The following GRIA1 variants were observed in gnomAD, a reference collection of about 807,000 sequenced individuals.
GRIA1 encodes the protein glutamate ionotropic receptor AMPA type subunit 1, also known as glutamate receptor 1.
GRIA1 carries 31 observed loss-of-function variants against 99.2 expected under a neutral mutation model. That is an observed-to-expected ratio of 0.31 (90% CI 0.23 to 0.42). The LOEUF (loss-of-function observed/expected upper bound fraction) is 0.42, where lower values mean the gene tolerates loss of function less well. Among genes scored for constraint, GRIA1 ranks in the 10% least tolerant of loss-of-function variants. The probability of loss-of-function intolerance (pLI) is 1.00; values close to 1 mark genes in which losing one functional copy is unlikely to be tolerated. For missense variants in GRIA1, 782 were observed against 1,157.5 expected (o/e 0.68, Z 4.71); for synonymous variants, 438 against 432.4 (o/e 1.01, Z -0.16).
chr5:153,677,216 A>G lies in GRIA1; in HGVS notation c.1029+55A>G, dbSNP rs998626508. The G allele has an allele frequency of 9.2e-6, 12 of 1,309,826 alleles. No homozygotes were observed. The African/African-American group carries it at 1.1e-4, about 12-fold the overall frequency. The allele number at this position is 1,309,826 out of a possible 1,614,324, so 81.1% of individuals were successfully genotyped here. A position where few individuals can be genotyped will look rare whatever the true frequency, so the allele number is the denominator to read the frequency against. ...TAGGAGCCTACTGGGGGATTTCAGC[A>G]TCAAATTCCAATAAAACACAGCTAT... is the stretch of plus-strand genomic sequence containing the variant. On this transcript the variant is annotated intron_variant, in intron 7 of 15. Coordinates refer to ENST00000285900, the MANE Select transcript of GRIA1 (RefSeq NM_000827.4).
chr5:153,800,160 A>C (rs921844861), intron 14 of GRIA1, among the ~76,000 whole-genome samples: 2 of 152,056 alleles, frequency 1.3e-5, no homozygotes, highest in African/African-American at 2.4e-5. Context: ...CTTTTTTACC[A>C]CCTGCCCTCA....
chr5:153,659,028 C>A (rs1182263514), intron 5 of GRIA1, among the ~76,000 whole-genome samples: 1 of 151,936 alleles, frequency 6.6e-6, no homozygotes, highest in African/African-American at 2.4e-5. Context: ...TGTCCAGATG[C>A]CCCTTTTAGC....
intron 2 of GRIA1, among the ~76,000 whole-genome samples, chr5:153,524,936 T>C (rs552371375): frequency 2.1e-4 from 32 of 152,344 alleles, no homozygotes; most frequent in African/African-American, 7.5e-4. Flanking sequence ...GTGGAAATAT[T>C]TGCTATATTT....
chr5:153,733,448 A>C (rs2149562238), intron 11 of GRIA1, among the ~76,000 whole-genome samples: 1 of 152,284 alleles, frequency 6.6e-6, no homozygotes, highest in East Asian at 1.9e-4. Flanking sequence ...AGAAGAAGAA[A>C]GAAAGGGACT....
intron 2 of GRIA1, among the ~76,000 whole-genome samples, chr5:153,607,211 A>G (rs919384057): frequency 6.6e-6 from 1 of 151,712 alleles, no homozygotes; most frequent in Non-Finnish European, 1.5e-5. Flanking sequence ...GGGTAGATTT[A>G]TAATCTCACC....
At chr5:153,801,674 T>C (rs896968211) in intron 14 of GRIA1, among the ~76,000 whole-genome samples, 1 of 152,180 alleles carries the variant, frequency 6.6e-6, no homozygotes, top group African/African-American at 2.4e-5. Context: ...CAATTAAGCA[T>C]AATTATTAAG....
chr5:153,585,843 C>T (rs1266595297), intron 2 of GRIA1, among the ~76,000 whole-genome samples: 4 of 152,056 alleles, frequency 2.6e-5, no homozygotes, highest in African/African-American at 7.2e-5. Flanking sequence ...TAGTGACTAT[C>T]GCTATCATAA....
chr5:153,707,591 C>T (rs1206137246), intron 11 of GRIA1, among the ~76,000 whole-genome samples: 1 of 152,168 alleles, frequency 6.6e-6, no homozygotes, highest in Non-Finnish European at 1.5e-5. Flanking sequence ...ATGGACAGAT[C>T]TGGAGGCATA....
At chr5:153,671,316 G>A (rs1187042679) in intron 5 of GRIA1, among the ~76,000 whole-genome samples, 1 of 152,200 alleles carries the variant, frequency 6.6e-6, no homozygotes, top group East Asian at 1.9e-4. Flanking sequence ...GACAGAATTT[G>A]ACTGCAGGAG....
rs73279153 is a variant in GRIA1 at position 153,751,224 on chromosome 5, A to C, written c.1824-13210A>C. ...GAACCCTGAGCCCATTCTCTTGACA[A>C]ACAATGACAGTGCCCTCTGCTTTCT... On this transcript the variant is annotated intron_variant, in intron 11 of 15. Coordinates refer to ENST00000285900, the MANE Select transcript of GRIA1 (RefSeq NM_000827.4). Among the ~76,000 whole-genome samples the C allele has an allele frequency of 9.2e-3, 1,406 of 152,348 alleles. 13 individuals are homozygous for C. Among genetic ancestry groups the C allele is most frequent in the African/African-American group, 0.032 (1,339 of 41,578 alleles).
intron 4 of GRIA1, 131 bp from the exon 5 acceptor site, chr5:153,655,688 G>A (rs989377721): frequency 5.1e-5 from 36 of 712,158 alleles, no homozygotes; most frequent in South Asian, 3.4e-4. Context: ...TGGATGGTTG[G>A]GATATTGTAG....
At chr5:153,663,841 A>C (rs1755550925) in intron 5 of GRIA1, among the ~76,000 whole-genome samples, 1 of 152,214 alleles carries the variant, frequency 6.6e-6, no homozygotes, top group African/African-American at 2.4e-5. Context: ...CCTTAAGCTT[A>C]AGGAAGAGGC....
intron 2 of GRIA1, among the ~76,000 whole-genome samples, chr5:153,585,590 T>G (rs1254684161): frequency 6.6e-6 from 1 of 152,134 alleles, no homozygotes; most frequent in Non-Finnish European, 1.5e-5. Flanking sequence ...ATTACAGGTG[T>G]GAGCCACTGT....
chr5:153,642,986 T>C (rs1753882280), intron 2 of GRIA1, among the ~76,000 whole-genome samples: 2 of 152,242 alleles, frequency 1.3e-5, no homozygotes, highest in African/African-American at 2.4e-5. Flanking sequence ...AAGTGAGATA[T>C]GGGCTGAGGC....
At chr5:153,728,215 C>T (rs577636564) in intron 11 of GRIA1, among the ~76,000 whole-genome samples, 1 of 152,254 alleles carries the variant, frequency 6.6e-6, no homozygotes, top group Admixed American at 6.5e-5. Flanking sequence ...TCCCTTACAC[C>T]TTATACAAAA....
At chr5:153,709,651 T>G (rs1288112130) in intron 11 of GRIA1, among the ~76,000 whole-genome samples, 1 of 152,230 alleles carries the variant, frequency 6.6e-6, no homozygotes, top group African/African-American at 2.4e-5. Context: ...TTTCTTCTTG[T>G]TCATAAGATG....
chr5:153,555,686 G>T (rs1413622761), intron 2 of GRIA1, among the ~76,000 whole-genome samples: 1 of 152,172 alleles, frequency 6.6e-6, no homozygotes, highest in Non-Finnish European at 1.5e-5. Flanking sequence ...TACAGAGACT[G>T]ATCTAGAAGG....
At chr5:153,670,576 T>C (rs1268038245) in intron 5 of GRIA1, among the ~76,000 whole-genome samples, 1 of 152,028 alleles carries the variant, frequency 6.6e-6, no homozygotes, top group African/African-American at 2.4e-5. Flanking sequence ...TAGAATATAA[T>C]TAGCAATGTA....
intron 2 of GRIA1, among the ~76,000 whole-genome samples, chr5:153,640,913 G>C (rs910520151): frequency 1.3e-5 from 2 of 152,128 alleles, no homozygotes; most frequent in Admixed American, 1.3e-4. Flanking sequence ...TATTGTTTAA[G>C]GGCTTTGGGA....
Sources: allele counts gnomAD v4.1 joint callset (sites outside exome capture counted in the v4.1 genomes callset), GRCh38; gene constraint gnomAD v4.1.1; transcripts MANE v1.5; gene names NCBI Gene and HGNC (gene_info 2026-07-23, HGNC 2026-07-21).